ATXN2: variants seen among roughly 807,000 people sequenced by gnomAD.
The protein encoded by ATXN2 is ataxin-2.
A neutral mutation model predicts 138.6 loss-of-function variants in ATXN2; 37 were observed. The ratio of observed to expected loss-of-function variants is 0.27; its 90% CI spans 0.21 to 0.35. The LOEUF is 0.35. ATXN2 is among the 10% of genes least tolerant of loss of function. ATXN2 has a pLI of 1.00. For synonymous variants in ATXN2, 549 were observed against 543.7 expected (o/e 1.01, Z -0.13); for missense variants, 1,216 against 1,480.3 (o/e 0.82, Z 2.93).
chr12:111,523,627 G>A (rs1391925472), intron 6 of ATXN2, among the ~76,000 whole-genome samples: 2 of 152,122 alleles, frequency 1.3e-5, no homozygotes, highest in Non-Finnish European at 2.9e-5. Context: ...TTGGAAAGCT[G>A]AGGCAGTAGA....
intron 18 of ATXN2, among the ~76,000 whole-genome samples, chr12:111,474,929 C>T (rs1042008122): frequency 4.0e-5 from 6 of 151,714 alleles, no homozygotes; most frequent in African/African-American, 1.5e-4. Flanking sequence ...ATTAAAAATA[C>T]AAGGCCGGGC....
chr12:111,495,753 T>C (rs1427704086), intron 14 of ATXN2, among the ~76,000 whole-genome samples: 1 of 152,170 alleles, frequency 6.6e-6, no homozygotes, highest in African/African-American at 2.4e-5. Context: ...AATACATATT[T>C]ACAGAACATT....
chr12:111,481,950 C>G (rs191213700), intron 18 of ATXN2, among the ~76,000 whole-genome samples: 1 of 152,262 alleles, frequency 6.6e-6, no homozygotes, highest in African/African-American at 2.4e-5. Flanking sequence ...GCATGAGCCA[C>G]TGCTCCCAGC....
At chr12:111,558,868 G>A (rs2135794154) in intron 1 of ATXN2, among the ~76,000 whole-genome samples, 1 of 151,682 alleles carries the variant, frequency 6.6e-6, no homozygotes, top group Admixed American at 6.6e-5. Flanking sequence ...AACAAGAATG[G>A]TATGAGCTGA....
intron 1 of ATXN2, among the ~76,000 whole-genome samples, chr12:111,575,686 A>T (rs564898211): frequency 2.0e-5 from 3 of 152,306 alleles, no homozygotes. Flanking sequence ...CCTCACAAGC[A>T]GGAGGTACTC....
intron 1 of ATXN2, among the ~76,000 whole-genome samples, chr12:111,574,550 C>T (rs1171729423): frequency 6.6e-6 from 1 of 151,888 alleles, no homozygotes; most frequent in African/African-American, 2.4e-5. Flanking sequence ...GAGTCAGCCT[C>T]CCAAGTAGCT....
At chr12:111,469,867 A>G in intron 20 of ATXN2, 1 of 471,120 alleles carries the variant, frequency 2.1e-6, no homozygotes, top group African/African-American at 1.9e-5. Flanking sequence ...CTTTGCCATT[A>G]TATACATCAT....
intron 5 of ATXN2, among the ~76,000 whole-genome samples, chr12:111,530,612 A>C (rs1880766734): frequency 6.6e-6 from 1 of 152,232 alleles, no homozygotes; most frequent in South Asian, 2.1e-4. Flanking sequence ...CAGGAGATCA[A>C]GACCATCCTG....
intron 1 of ATXN2, among the ~76,000 whole-genome samples, chr12:111,583,674 G>A (rs965492972): frequency 8.1e-5 from 12 of 148,226 alleles, no homozygotes; most frequent in Non-Finnish European, 1.6e-4. Flanking sequence ...GGCTGAGGCA[G>A]GAGAATCACT....
intron 5 of ATXN2, among the ~76,000 whole-genome samples, chr12:111,545,690 C>T (rs545857083): frequency 6.6e-6 from 1 of 151,668 alleles, no homozygotes; most frequent in Non-Finnish European, 1.5e-5. Context: ...AGGCCGGGTG[C>T]GGTGACTCAT....
In ATXN2 at chr12:111,547,243, A is replaced by G. The variant is rs575844664; in HGVS notation, c.571+5037T>C. Among the ~76,000 whole-genome samples, 3 of 152,164 alleles carry G rather than the reference A, an allele frequency of 2.0e-5. No homozygotes were observed. The East Asian group carries it at 5.8e-4, about 29-fold the overall frequency. ...GGAATTTGAGAAGAGCCTGGCCAAT[A>G]TGGTGAAACCCCGTCTCTACTAAAA... is the stretch of plus-strand genomic sequence containing the variant. On this transcript the variant is annotated intron_variant, in intron 5 of 24. Coordinates refer to ENST00000673436, the MANE Select transcript of ATXN2 (RefSeq NM_001372574.1).
rs1400711587 is a variant in ATXN2, at chr12:111,552,621, T to C, written c.421-191A>G. ...TTTAAAAATCCTCATATCTAAATGT[T>C]TTTTGTTTCTATGGTTTGTCTTAAG... On this transcript the variant is annotated intron_variant, in intron 4 of 24. Coordinates refer to ENST00000673436, the MANE Select transcript of ATXN2 (RefSeq NM_001372574.1). The surrounding 1 kb of genome is among the most constrained non-coding windows in gnomAD (Gnocchi z 4.1). 1 of 654,308 alleles carries C rather than the reference T, an allele frequency of 1.5e-6. No homozygotes were observed. Among genetic ancestry groups the C allele is most frequent in the Non-Finnish European group, 2.4e-6 (1 of 416,476 alleles). 40.5% of individuals were successfully genotyped at this position (654,308 alleles called of 1,614,324 possible).
Position 111,520,086 on chromosome 12 carries a change from G to A in ATXN2, c.789-10C>T, listed in dbSNP as rs768880510. The stretch of plus-strand genomic sequence containing the variant: ...TCTTTCTAAGGGCACTCTGAAACAT[G>A]AGGAAAAGAAAAGCAAAATGAGTCC... On this transcript the variant is annotated splice_polypyrimidine_tract_variant and intron_variant, in intron 7 of 24. Transcript: ENST00000673436. 2 of 1,612,318 alleles carry A rather than the reference G, an allele frequency of 1.2e-6. No homozygotes were observed. The highest frequency in any genetic ancestry group is 3.3e-5 in the Admixed American group (2 of 59,870).
chr12:111,582,690 G>C (rs1230942629), intron 1 of ATXN2, among the ~76,000 whole-genome samples: 1 of 152,190 alleles, frequency 6.6e-6, no homozygotes, highest in African/African-American at 2.4e-5. Flanking sequence ...GTTTGAGACG[G>C]AGTCTCGCTC....
chr12:111,476,556 C>T (rs1389871092), intron 18 of ATXN2, among the ~76,000 whole-genome samples: 1 of 151,724 alleles, frequency 6.6e-6, no homozygotes, highest in African/African-American at 2.4e-5. Flanking sequence ...TTTACCAACA[C>T]ATCAAGACAC....
Position 111,598,887 on chromosome 12 carries a change from C to G in ATXN2, c.148G>C (p.Ala50Pro), listed in dbSNP as rs776326093. The G allele has an allele frequency of 2.7e-6, 4 of 1,497,482 alleles. No homozygotes were observed. The highest frequency in any genetic ancestry group is 2.5e-5 in the South Asian group (2 of 80,630). The allele number at this position is 1,497,482 out of a possible 1,614,324, so 92.8% of individuals were successfully genotyped here. A position where few individuals can be genotyped will look rare whatever the true frequency, so the allele number is the denominator to read the frequency against. The change falls in exon 1 of 25, where the codon GCC (alanine) becomes CCC (proline). Residue 50 changes from alanine (A) to proline (P), a missense_variant. Ala to Pro is a conservative substitution (Grantham distance 27). Coordinates refer to ENST00000673436, the MANE Select transcript of ATXN2 (RefSeq NM_001372574.1). The surrounding 1 kb of genome is among the most constrained non-coding windows in gnomAD (Gnocchi z 4.5). ...GAGGACGAGGACGGCGAAGGCGCGG[C>G]GGCGGGCGACGCTAGAAGGCCGCTG... ...GGSGLLASPA[A>P]APSPSSSSVS...
intron 3 of ATXN2, 118 bp downstream of exon 3, chr12:111,554,040 C>A: frequency 1.4e-6 from 1 of 700,306 alleles, no homozygotes; most frequent in Non-Finnish European, 2.3e-6. Flanking sequence ...CTAAATCATC[C>A]TGACTAAACA....
rs560854001 is a variant in ATXN2, at chr12:111,459,792, G to A, written c.2897-2433C>T. Reference sequence around the variant, plus strand: ...TTGCTGTCACCCAGGCTGGAGTGCAGTGGAGCGATCTCGGCTCACTGCAGC... The same window carrying A: ...TTGCTGTCACCCAGGCTGGAGTGCAATGGAGCGATCTCGGCTCACTGCAGC... On this transcript the variant is annotated intron_variant, in intron 21 of 24. Coordinates refer to ENST00000673436, the MANE Select transcript of ATXN2 (RefSeq NM_001372574.1). Among the ~76,000 whole-genome samples the A allele has an allele frequency of 2.2e-4, 34 of 152,042 alleles. 1 individual carries two copies. The South Asian group carries it at 5.8e-3, about 26-fold the overall frequency.
At chr12:111,502,269 G>T (rs548996079) in intron 14 of ATXN2, among the ~76,000 whole-genome samples, 2 of 151,986 alleles carry the variant, frequency 1.3e-5, no homozygotes, top group Non-Finnish European at 2.9e-5. Flanking sequence ...TACTATTATT[G>T]CCATCTTACA....
Sources: allele counts gnomAD v4.1 joint callset (sites outside exome capture counted in the v4.1 genomes callset), GRCh38; gene constraint gnomAD v4.1.1; non-coding constraint Gnocchi (gnomAD v3.1); transcripts MANE v1.5; gene names NCBI Gene and HGNC (gene_info 2026-07-23, HGNC 2026-07-21).